Variants in FAM163A observed in about 807,000 individuals in gnomAD.
FAM163A encodes the protein protein FAM163A.
Under a neutral mutation model 12.0 loss-of-function variants are expected in FAM163A, and 7 were observed. The observed-to-expected ratio is 0.58, with a 90% CI of 0.33 to 1.10. FAM163A has a LOEUF of 1.10. Among genes scored for constraint, FAM163A ranks in the 50% least tolerant of loss-of-function variants. The pLI is 0.03. For synonymous variants in FAM163A, 101 were observed against 91.0 expected (o/e 1.11, Z -0.62); for missense variants, 202 against 218.6 (o/e 0.92, Z 0.48).
the FAM163A span, among the ~76,000 whole-genome samples, chr1:179,733,197 T>A: frequency 6.6e-6 from 1 of 151,872 alleles, no homozygotes; most frequent in Non-Finnish European, 1.5e-5. Context: ...ATAGGGAGTA[T>A]TTATTTCCCT....
At chr1:179,738,642 C>T (rs1163908842), upstream of FAM163A, among the ~76,000 whole-genome samples, 1 of 152,016 alleles carries the variant, frequency 6.6e-6, no homozygotes, top group Non-Finnish European at 1.5e-5. Context: ...AATGTAAAAG[C>T]ATTTGACAAA....
At chr1:179,738,734 A>G (rs2147910327), upstream of FAM163A, among the ~76,000 whole-genome samples, 1 of 152,366 alleles carries the variant, frequency 6.6e-6, no homozygotes, top group Non-Finnish European at 1.5e-5. Flanking sequence ...TCTATAATTA[A>G]TCATGAAAGA....
intron 1 of FAM163A, among the ~76,000 whole-genome samples, chr1:179,792,726 A>C (rs146568984): frequency 1.1e-3 from 160 of 152,238 alleles, no homozygotes; most frequent in Admixed American, 2.7e-3. Context: ...CAGAGCTCAT[A>C]CTAAAACACC....
chr1:179,735,528 G>T, the FAM163A span, among the ~76,000 whole-genome samples: 1 of 75,732 alleles, frequency 1.3e-5, no homozygotes, highest in Admixed American at 1.6e-4. Flanking sequence ...TTTTGAGACG[G>T]AGTCTCGTTG....
chr1:179,809,455 G>A (rs1051450498), intron 2 of FAM163A, among the ~76,000 whole-genome samples: 7 of 152,190 alleles, frequency 4.6e-5, no homozygotes, highest in Non-Finnish European at 8.8e-5. Context: ...AAGTGAGAAA[G>A]AAGGTCATTT....
intron 1 of FAM163A, among the ~76,000 whole-genome samples, chr1:179,804,902 A>G (rs1693704133): frequency 1.3e-5 from 2 of 152,198 alleles, no homozygotes. Context: ...ACAAACCCCC[A>G]TGACATGAGT....
the FAM163A span, among the ~76,000 whole-genome samples, chr1:179,736,034 A>G: frequency 1.3e-5 from 2 of 152,216 alleles, no homozygotes; most frequent in Non-Finnish European, 2.9e-5. Context: ...TTAACTCAAA[A>G]TGAATTAAAG....
chr1:179,747,638 T>G (rs567275762), intron 1 of FAM163A, among the ~76,000 whole-genome samples: 1 of 152,354 alleles, frequency 6.6e-6, no homozygotes, highest in East Asian at 1.9e-4. Context: ...TCAAGCAGCA[T>G]GTCTTTCTGC....
chr1:179,793,087 G>C (rs1691755430), intron 1 of FAM163A, among the ~76,000 whole-genome samples: 1 of 151,656 alleles, frequency 6.6e-6, no homozygotes, highest in South Asian at 2.1e-4. Context: ...TTTCCTTCAA[G>C]TGACAGGTCT....
intron 1 of FAM163A, among the ~76,000 whole-genome samples, chr1:179,783,416 G>A (rs1444526714): frequency 2.0e-5 from 3 of 152,026 alleles, no homozygotes; most frequent in Non-Finnish European, 2.9e-5. Context: ...TTGTAAAACC[G>A]TTTGGGAAAA....
intron 2 of FAM163A, among the ~76,000 whole-genome samples, chr1:179,809,571 C>T (rs1489240325): frequency 1.3e-5 from 2 of 152,198 alleles, no homozygotes; most frequent in South Asian, 2.1e-4. Context: ...AGGCCATTGC[C>T]GTGCACAGCC....
intron 1 of FAM163A, among the ~76,000 whole-genome samples, chr1:179,750,573 G>A (rs986634479): frequency 1.3e-5 from 2 of 152,178 alleles, no homozygotes; most frequent in Admixed American, 6.5e-5. Context: ...TAGAATTAGG[G>A]TTCAGAGAAT....
intron 1 of FAM163A, among the ~76,000 whole-genome samples, chr1:179,804,616 A>G (rs1281420): frequency 0.34 from 52,246 of 152,136 alleles, 9,222 homozygotes; most frequent in Middle Eastern, 0.46. Flanking sequence ...ATGGAATACT[A>G]TGCAGCCATA....
rs1386753060 is a variant in FAM163A, at chr1:179,813,930, A to T, written c.245A>T (p.Glu82Val). 6.2e-7 allele frequency: 1 copy of T among 1,613,724 alleles called. No homozygotes were observed. Among genetic ancestry groups the T allele is most frequent in the African/African-American group, 1.3e-5 (1 of 75,036 alleles). Residue 82 changes from glutamate to valine, a missense_variant, in exon 5 of 5, where the codon GAG becomes GTG. Glu to Val is a moderately radical substitution (Grantham distance 121). Transcript: ENST00000341785. ...GRGSLAPLTSEPCSQPCGVAA... is the reference protein window; with the variant it reads ...GRGSLAPLTSVPCSQPCGVAA... The stretch of plus-strand genomic sequence containing the variant: ...GGCAGCCTGGCGCCTCTCACCAGCG[A>T]GCCCTGCAGCCAGCCCTGTGGGGTG...
intron 1 of FAM163A, among the ~76,000 whole-genome samples, chr1:179,753,466 C>T (rs564276914): frequency 1.8e-4 from 27 of 152,180 alleles, no homozygotes; most frequent in African/African-American, 4.3e-4. Flanking sequence ...TTTTGAAAAG[C>T]CAATGGAAAG....
chr1:179,794,409 T>C (rs578042368), intron 1 of FAM163A, among the ~76,000 whole-genome samples: 95 of 152,296 alleles, frequency 6.2e-4, no homozygotes, highest in African/African-American at 1.9e-3. Flanking sequence ...AATTGAATAA[T>C]CACCCTACTT....
intron 1 of FAM163A, among the ~76,000 whole-genome samples, chr1:179,782,989 G>T (rs1456899277): frequency 6.6e-6 from 1 of 152,152 alleles, no homozygotes; most frequent in African/African-American, 2.4e-5. Flanking sequence ...AATTAGCCCG[G>T]TGTGGTGGTG....
intron 1 of FAM163A, among the ~76,000 whole-genome samples, chr1:179,776,654 C>T (rs1158753994): frequency 2.6e-5 from 4 of 152,274 alleles, no homozygotes; most frequent in Admixed American, 1.3e-4. Context: ...CTACCCTCTG[C>T]CTGGTCGACT....
intron 1 of FAM163A, among the ~76,000 whole-genome samples, chr1:179,805,630 T>C (rs1693828369): frequency 6.6e-6 from 1 of 152,026 alleles, no homozygotes. Context: ...TCTTCCAGTT[T>C]CTCTCTGCTC....
Sources: gnomAD v4.1 joint callset for allele counts (sites outside exome capture counted in the v4.1 genomes callset) on GRCh38, gnomAD v4.1.1 for gene constraint, MANE v1.5 for transcripts, NCBI Gene and HGNC (gene_info 2026-07-23, HGNC 2026-07-21) for gene names.